HPF1: variants seen among roughly 807,000 people sequenced by gnomAD.
HPF1 encodes histone PARylation factor 1, also known as UPF0609 protein C4orf27.
A neutral mutation model predicts 38.8 loss-of-function variants in HPF1; 35 were observed. The observed-to-expected ratio is 0.90, with a 90% CI of 0.69 to 1.19. The LOEUF (loss-of-function observed/expected upper bound fraction) is 1.19, where lower values mean the gene tolerates loss of function less well. Ranked by LOEUF, HPF1 falls within the 50% of genes most tolerant of loss-of-function variation. The pLI is 0.00. For missense variants in HPF1, 367 were observed against 405.8 expected (o/e 0.90, Z 0.82); for synonymous variants, 115 against 139.2 (o/e 0.83, Z 1.22).
chr4:169,735,878 C>T (rs916473772), intron 6 of HPF1, among the ~76,000 whole-genome samples: 1 of 140,376 alleles, frequency 7.1e-6, no homozygotes, highest in Admixed American at 7.2e-5. Context: ...GTGTGGGTTA[C>T]ATTTTTTCCA....
At chr4:169,757,695 T>C in intron 1 of HPF1, 135 bp downstream of exon 1, 1 of 876,684 alleles carries the variant, frequency 1.1e-6, no homozygotes, top group South Asian at 1.4e-5. Flanking sequence ...CTGGGCAGGA[T>C]CCCCGCAGCA....
At chr4:169,731,632 G>A in intron 7 of HPF1, 72 bp downstream of exon 7, 1 of 1,160,756 alleles carries the variant, frequency 8.6e-7, no homozygotes, top group Non-Finnish European at 1.2e-6. Flanking sequence ...ACGTATTCAT[G>A]TGTGGATGTA....
intron 2 of HPF1, 64 bp downstream of exon 2, chr4:169,753,612 C>A (rs914553102): frequency 7.8e-6 from 11 of 1,410,548 alleles, no homozygotes; most frequent in Non-Finnish European, 1.1e-5. Flanking sequence ...AGCCACCACA[C>A]CCAGCTGGTT....
chr4:169,731,012 A>C (rs1733821532), intron 7 of HPF1, among the ~76,000 whole-genome samples: 1 of 152,230 alleles, frequency 6.6e-6, no homozygotes, highest in Non-Finnish European at 1.5e-5. Flanking sequence ...ACATGTGCAC[A>C]CATATCTTAC....
intron 1 of HPF1, among the ~76,000 whole-genome samples, chr4:169,755,214 T>C (rs1321145347): frequency 1.3e-5 from 2 of 152,088 alleles, no homozygotes; most frequent in African/African-American, 4.8e-5. Flanking sequence ...ACAAATGAAA[T>C]ACCTATTGTT....
intron 6 of HPF1, among the ~76,000 whole-genome samples, chr4:169,733,822 G>A (rs1347191246): frequency 2.0e-5 from 3 of 151,610 alleles, no homozygotes; most frequent in Non-Finnish European, 4.4e-5. Flanking sequence ...CCCAGTGCAG[G>A]AGGTGCAGGC....
rs371406617 is a variant in HPF1 at position 169,742,496 on chromosome 4, C to G, written c.498-389G>C. ...GTAGACATCAAAAAAAAGTAGACAT[C>G]AAAAAAATTTTTCAGGCAAGGCGCA... On this transcript the variant is annotated intron_variant, in intron 4 of 7. Coordinates refer to ENST00000393381, the MANE Select transcript of HPF1 (RefSeq NM_017867.3). Among the ~76,000 whole-genome samples, 17 of 152,188 alleles carry G rather than the reference C, an allele frequency of 1.1e-4. 1 individual carries two copies. Among genetic ancestry groups the G allele is most frequent in the African/African-American group, 3.9e-4 (16 of 41,522 alleles).
chr4:169,745,112 G>T (rs1388665388), intron 4 of HPF1, among the ~76,000 whole-genome samples: 1 of 152,210 alleles, frequency 6.6e-6, no homozygotes. Context: ...GGTGGTGTGT[G>T]TGCATAGGTG....
At position 169,742,108 on chromosome 4, in the gene HPF1, C is replaced by T. The variant is rs757022014; in HGVS notation, c.498-1G>A. ...TCTAAGTTTTTTCGTCAAAAATAAT[C>T]TGAAAAAGAAGTAAAAGTCCGCATT... is the stretch of plus-strand genomic sequence containing the variant. On this transcript the variant is annotated splice_acceptor_variant, in intron 4 of 7. Coordinates refer to ENST00000393381, the MANE Select transcript of HPF1 (RefSeq NM_017867.3). LOFTEE classifies it high-confidence loss of function. 6.2e-7 allele frequency: 1 copy of T among 1,609,470 alleles called. No homozygotes were observed. The highest frequency in any genetic ancestry group is 8.5e-7 in the Non-Finnish European group (1 of 1,178,336).
chr4:169,741,753 T>C lies in HPF1; in HGVS notation c.648+204A>G, dbSNP rs78128828. 3.4e-4 allele frequency among the ~76,000 whole-genome samples: 52 copies of C among 152,284 alleles called. No individual in the cohort carries two copies. The East Asian group carries it at 8.1e-3, about 24-fold the overall frequency. On this transcript the variant is annotated intron_variant, in intron 5 of 7. Coordinates refer to ENST00000393381, the MANE Select transcript of HPF1 (RefSeq NM_017867.3). ...TGATATCACCAGTTGCGCAATTCAA[T>C]CAGTGTACCAACCCAAAGGAGCCAT...
chr4:169,755,466 G>C (rs1211349755), intron 1 of HPF1, among the ~76,000 whole-genome samples: 1 of 152,086 alleles, frequency 6.6e-6, no homozygotes, highest in African/African-American at 2.4e-5. Context: ...TCAGATTTGG[G>C]GATATATGGA....
chr4:169,746,880 C>T (rs2331721), intron 4 of HPF1, among the ~76,000 whole-genome samples: 120,520 of 147,808 alleles, frequency 0.82, 49,271 homozygotes, highest in East Asian at 0.91. Context: ...ATCACCCATG[C>T]ATTTTTTTTT....
At chr4:169,757,807 C>A (rs1404827215) in intron 1 of HPF1, 23 bp downstream of exon 1, 1 of 1,556,134 alleles carries the variant, frequency 6.4e-7, no homozygotes, top group Non-Finnish European at 8.6e-7. Flanking sequence ...CCCGCGTAGC[C>A]CGCACAGCCT....
intron 1 of HPF1, among the ~76,000 whole-genome samples, chr4:169,754,502 A>G (rs1470453560): frequency 6.6e-6 from 1 of 152,124 alleles, no homozygotes; most frequent in Non-Finnish European, 1.5e-5. Flanking sequence ...GACCACCACA[A>G]TACAGGTTCA....
At position 169,753,837 on chromosome 4, in the gene HPF1, T is replaced by C. The variant is rs1734150477; in HGVS notation, c.49-2A>G. ...CTTCACATCAGTTGTTTTTTCACAC[T>C]GAAAATTGGCACACAAACTTTAGTT... On this transcript the variant is annotated splice_acceptor_variant, in intron 1 of 7. Transcript: ENST00000393381. LOFTEE classifies it high-confidence loss of function. The C allele has an allele frequency of 6.2e-7, 1 of 1,602,116 alleles. No individual in the cohort carries two copies. Among genetic ancestry groups the C allele is most frequent in the African/African-American group, 1.4e-5 (1 of 73,926 alleles).
At chr4:169,731,403 A>G (rs888258679) in intron 7 of HPF1, among the ~76,000 whole-genome samples, 2 of 152,208 alleles carry the variant, frequency 1.3e-5, no homozygotes, top group African/African-American at 2.4e-5. Context: ...GCATGTCCCT[A>G]TAATGTGTCT....
Position 169,742,099 on chromosome 4 carries a change from A to C in HPF1, c.506T>G (p.Leu169Trp). ...CGTTATTTCTCTAAGTTTTTTCGTC[A>C]AAAATAATCTGAAAAAGAAGTAAAA... is the stretch of plus-strand genomic sequence containing the variant. ...DNVFAAVKLFLTKKLREITDK... is the reference protein window; with the variant it reads ...DNVFAAVKLFWTKKLREITDK... Residue 169 changes from leucine (L) to tryptophan (W), a missense_variant, in exon 5 of 8, where the codon TTG becomes TGG. By Grantham distance (61) the Leu-to-Trp change is moderately conservative. Coordinates refer to ENST00000393381, the MANE Select transcript of HPF1 (RefSeq NM_017867.3). 1 of 1,610,204 alleles carries C rather than the reference A, an allele frequency of 6.2e-7. No individual in the cohort carries two copies. The highest frequency in any genetic ancestry group is 8.5e-7 in the Non-Finnish European group (1 of 1,178,234).
intron 4 of HPF1, among the ~76,000 whole-genome samples, chr4:169,747,510 G>A (rs1734064783): frequency 6.6e-6 from 1 of 152,140 alleles, no homozygotes; most frequent in South Asian, 2.1e-4. Context: ...AGTACTAAAA[G>A]AGGTCAAAGA....
At chr4:169,731,946 A>G in intron 6 of HPF1, 70 bp from the exon 7 acceptor site, 3 of 1,299,676 alleles carry the variant, frequency 2.3e-6, no homozygotes, top group South Asian at 2.6e-5. Context: ...AAAAGTAAGA[A>G]GATTATAAAG....
Sources: gnomAD v4.1 joint callset for allele counts (sites outside exome capture counted in the v4.1 genomes callset) on GRCh38, gnomAD v4.1.1 for gene constraint, MANE v1.5 for transcripts, NCBI Gene and HGNC (gene_info 2026-07-23, HGNC 2026-07-21) for gene names.